The following MBD5 variants were observed in gnomAD, a reference collection of about 807,000 sequenced individuals.
MBD5 encodes the protein methyl-CpG binding domain protein 5, also known as methyl-CpG-binding domain protein 5.
A neutral mutation model predicts 117.3 loss-of-function variants in MBD5; 13 were observed. The observed-to-expected ratio is 0.11, with a 90% confidence interval of 0.07 to 0.18. MBD5 has a LOEUF of 0.18. Among genes scored for constraint, MBD5 ranks in the 10% least tolerant of loss-of-function variants. The pLI is 1.00. For synonymous variants in MBD5, 727 were observed against 766.4 expected (o/e 0.95, Z 0.85); for missense variants, 1,879 against 2,093.8 (o/e 0.90, Z 2.00).
chr2:148,465,770 T>C (rs1235241206), intron 7 of MBD5, among the ~76,000 whole-genome samples: 2 of 152,162 alleles, frequency 1.3e-5, no homozygotes, highest in Non-Finnish European at 2.9e-5. Context: ...ATGCAGGTAA[T>C]TAAAGATTCA....
chr2:148,497,084 TAATA>T (rs1219848251), intron 11 of MBD5, among the ~76,000 whole-genome samples: 5 of 151,858 alleles, frequency 3.3e-5, no homozygotes, highest in Non-Finnish European at 7.4e-5. Flanking sequence ...ATTTACTATT[TAATA>T]AATGTTTGAT....
chr2:148,179,548 A>G (rs1292748291), intron 2 of MBD5, among the ~76,000 whole-genome samples: 3 of 152,156 alleles, frequency 2.0e-5, no homozygotes, highest in Non-Finnish European at 4.4e-5. Context: ...TCATATACTC[A>G]TAACATTATA....
intron 1 of MBD5, chr2:148,055,227 C>G (rs190462963): frequency 6.6e-6 from 1 of 151,684 alleles, no homozygotes; most frequent in East Asian, 1.9e-4. Context: ...TGTGTGTGTG[C>G]GTGTATTGTG....
At chr2:148,110,705 G>A (rs2105348325) in intron 1 of MBD5, among the ~76,000 whole-genome samples, 1 of 151,642 alleles carries the variant, frequency 6.6e-6, no homozygotes, top group East Asian at 1.9e-4. Flanking sequence ...CTGCAGGATC[G>A]TTTTTTAGCT....
At position 148,483,760 on chromosome 2, in the gene MBD5, C is replaced by A. The variant is rs188449443; in HGVS notation, c.3169C>A (p.Pro1057Thr). The A allele has an allele frequency of 1.9e-6, 3 of 1,550,594 alleles. No individual in the cohort carries two copies. Among genetic ancestry groups the A allele is most frequent in the African/African-American group, 2.7e-5 (2 of 73,172 alleles). Residue 1057 changes from proline (P) to threonine (T), a missense_variant, in exon 9 of 14, where the codon CCT (proline) becomes ACT (threonine). Pro to Thr is a conservative substitution (Grantham distance 38). Around this residue, in one of 4 missense-constraint regions of MBD5, gnomAD observed 1,666 missense variants for 1,792.2 expected, o/e 0.93. Coordinates refer to ENST00000642680, the MANE Select transcript of MBD5 (RefSeq NM_001378120.1). ...CCTTTTAACCAGCCCCCTGGGGAAC[C>A]CTTTACCAAGCTTTGCAGGCAGTGA... ...ETLLTSPLGN[P>T]LPSFAGSDTT...
At chr2:148,508,457 C>A (rs1682112235) in intron 12 of MBD5, among the ~76,000 whole-genome samples, 1 of 149,834 alleles carries the variant, frequency 6.7e-6, no homozygotes, top group Admixed American at 6.7e-5. Flanking sequence ...TAAAAGCAGA[C>A]TAAAAGTTGA....
At chr2:148,224,075 G>C (rs540688296) in intron 2 of MBD5, among the ~76,000 whole-genome samples, 3 of 152,074 alleles carry the variant, frequency 2.0e-5, no homozygotes, top group African/African-American at 7.2e-5. Flanking sequence ...TTCCACTTTG[G>C]TCAGAGAACA....
chr2:148,483,338 C>T lies in MBD5; in HGVS notation c.2747C>T (p.Pro916Leu). 1.2e-6 allele frequency: 2 copies of T among 1,614,062 alleles called. No homozygotes were observed. Residue 916 changes from proline to leucine, a missense_variant, in exon 9 of 14, where the codon CCC becomes CTC. Pro to Leu is a moderately conservative substitution (Grantham distance 98). Coordinates refer to ENST00000642680, the MANE Select transcript of MBD5 (RefSeq NM_001378120.1). ...AACCATCTTCCACACCCCTTGAACC[C>T]CAGCCTCCTCAGTTCTCTACCTATC... ...SNNHLPHPLN[P>L]SLLSSLPISL...
At chr2:148,358,273 AG>A (rs1188488511) in intron 4 of MBD5, among the ~76,000 whole-genome samples, 2 of 152,206 alleles carry the variant, frequency 1.3e-5, no homozygotes, top group Admixed American at 1.3e-4. Flanking sequence ...GAGTTATAGC[AG>A]CATAAACTAG....
intron 3 of MBD5, among the ~76,000 whole-genome samples, chr2:148,239,718 CAT>C (rs1491045377): frequency 1.3e-5 from 2 of 148,648 alleles, no homozygotes; most frequent in African/African-American, 5.0e-5. Context: ...CACACACACA[CAT>C]ATATTGAGAT....
intron 3 of MBD5, among the ~76,000 whole-genome samples, chr2:148,326,892 G>T (rs1021505012): frequency 6.7e-6 from 1 of 149,192 alleles, no homozygotes; most frequent in Non-Finnish European, 1.5e-5. Flanking sequence ...ATGTTAGCTG[G>T]TGATTTTGCT....
chr2:148,231,135 A>G (rs1316996447), intron 2 of MBD5, among the ~76,000 whole-genome samples: 1 of 152,044 alleles, frequency 6.6e-6, no homozygotes, highest in African/African-American at 2.4e-5. Flanking sequence ...TTGGAGTTGC[A>G]GTCCTTATGG....
chr2:148,494,850 C>T (rs766330267), intron 11 of MBD5, among the ~76,000 whole-genome samples: 3 of 152,108 alleles, frequency 2.0e-5, no homozygotes, highest in Non-Finnish European at 4.4e-5. Flanking sequence ...GTAGTCCCAG[C>T]TACTGCGGAG....
intron 3 of MBD5, among the ~76,000 whole-genome samples, chr2:148,337,799 T>A (rs1702837474): frequency 6.6e-6 from 1 of 151,648 alleles, no homozygotes; most frequent in Non-Finnish European, 1.5e-5. Flanking sequence ...CAAAGGTATC[T>A]TTTTTTCCTT....
At chr2:148,170,838 A>C (rs1242445608) in intron 1 of MBD5, among the ~76,000 whole-genome samples, 1 of 152,236 alleles carries the variant, frequency 6.6e-6, no homozygotes, top group African/African-American at 2.4e-5. Context: ...AACAGAATGG[A>C]TCATAAGAGA....
chr2:148,362,828 G>T (rs142590940), intron 4 of MBD5, among the ~76,000 whole-genome samples: 1 of 152,158 alleles, frequency 6.6e-6, no homozygotes, highest in Non-Finnish European at 1.5e-5. Context: ...GCCTTTGCTG[G>T]TGATACCCAG....
chr2:148,483,450 C>T lies in MBD5; in HGVS notation c.2859C>T (p.Ile953=). The T allele has an allele frequency of 1.2e-6, 2 of 1,614,054 alleles. No individual in the cohort carries two copies. The highest frequency in any genetic ancestry group is 1.7e-6 in the Non-Finnish European group (2 of 1,179,958). The part of the protein sequence containing the change: ...QPSAGEGKSE[I]NLHPLGFLNP... ...CAGCAGGAGAAGGCAAGTCTGAGATCAACCTCCACCCTTTAGGTTTTCTCA... is the reference window on the plus strand; with the variant it reads ...CAGCAGGAGAAGGCAAGTCTGAGATTAACCTCCACCCTTTAGGTTTTCTCA... Residue 953 remains isoleucine (I), a synonymous_variant, in exon 9 of 14, where the codon ATC becomes ATT. Coordinates refer to ENST00000642680, the MANE Select transcript of MBD5 (RefSeq NM_001378120.1).
chr2:148,056,190 T>A (rs908429966), intron 1 of MBD5: 20 of 152,168 alleles, frequency 1.3e-4, no homozygotes, highest in Admixed American at 3.9e-4. Flanking sequence ...TACATTTTTT[T>A]ATATATTTGT....
At chr2:148,307,321 G>A (rs1165979267) in intron 3 of MBD5, among the ~76,000 whole-genome samples, 1 of 152,064 alleles carries the variant, frequency 6.6e-6, no homozygotes, top group African/African-American at 2.4e-5. Flanking sequence ...AGAAAATTAT[G>A]AGCTCTATTT....
Sources: allele counts gnomAD v4.1 joint callset (sites outside exome capture counted in the v4.1 genomes callset), GRCh38; gene constraint gnomAD v4.1.1; regional missense constraint gnomAD v4.1.1; transcripts MANE v1.5; gene names NCBI Gene and HGNC (gene_info 2026-07-23, HGNC 2026-07-21).